The following IMMP2L variants were observed in gnomAD, a reference collection of about 807,000 sequenced individuals.
IMMP2L encodes the protein mitochondrial inner membrane protease subunit 2.
Under a neutral mutation model 19.3 loss-of-function variants are expected in IMMP2L, and 18 were observed. The ratio of observed to expected loss-of-function variants is 0.93; its 90% confidence interval spans 0.64 to 1.38. The LOEUF (loss-of-function observed/expected upper bound fraction) is 1.38, where lower values mean the gene tolerates loss of function less well. Ranked by LOEUF, IMMP2L falls within the 40% of genes most tolerant of loss-of-function variation. The probability of loss-of-function intolerance (pLI) is 0.00; values close to 1 mark genes in which losing one functional copy is unlikely to be tolerated. For missense variants in IMMP2L, 233 were observed against 218.2 expected (o/e 1.07, Z -0.43); for synonymous variants, 76 against 73.0 (o/e 1.04, Z -0.21).
rs1035980047 is a variant in IMMP2L at position 111,123,356 on chromosome 7, T to C, written c.240-159791A>G. ...CTTCCAAATCTAGAGATTCTGATGA[T>C]TGGGGAAAATCCAATTATCAGAATC... On this transcript the variant is annotated intron_variant, in intron 3 of 5. Coordinates refer to ENST00000405709, the MANE Select transcript of IMMP2L (RefSeq NM_032549.4). The surrounding 1 kb of genome is among the most constrained non-coding windows in gnomAD (Gnocchi z 6.4). 3 of 1,613,844 alleles carry C rather than the reference T, an allele frequency of 1.9e-6. No homozygotes were observed. The highest frequency in any genetic ancestry group is 2.5e-6 in the Non-Finnish European group (3 of 1,179,928).
At chr7:110,983,350 T>C (rs938995959) in intron 3 of IMMP2L, among the ~76,000 whole-genome samples, 4 of 151,712 alleles carry the variant, frequency 2.6e-5, no homozygotes, top group African/African-American at 9.7e-5. Context: ...TCATATAGAC[T>C]TAATGCTGTA....
intron 5 of IMMP2L, among the ~76,000 whole-genome samples, chr7:110,849,028 T>C (rs1248987467): frequency 6.6e-6 from 1 of 152,106 alleles, no homozygotes; most frequent in Non-Finnish European, 1.5e-5. Flanking sequence ...ACCCATAGAA[T>C]GTACACAACC....
chr7:111,232,373 G>GTTT (rs373241535), intron 3 of IMMP2L, among the ~76,000 whole-genome samples: 1 of 133,190 alleles, frequency 7.5e-6, no homozygotes, highest in Non-Finnish European at 1.6e-5. Flanking sequence ...ATTTTGGAGG[G>GTTT]TTTTTTTTTT....
intron 5 of IMMP2L, among the ~76,000 whole-genome samples, chr7:110,739,332 C>G (rs1796843314): frequency 6.6e-6 from 1 of 152,002 alleles, no homozygotes; most frequent in Non-Finnish European, 1.5e-5. Flanking sequence ...ACCTAACACA[C>G]AAGGATTCAC....
intron 3 of IMMP2L, among the ~76,000 whole-genome samples, chr7:111,024,371 T>C (rs1826601830): frequency 6.6e-6 from 1 of 152,296 alleles, no homozygotes; most frequent in African/African-American, 2.4e-5. Flanking sequence ...GAGGAGGCTC[T>C]CTGGGCAGCC....
intron 4 of IMMP2L, among the ~76,000 whole-genome samples, chr7:110,908,738 G>A (rs1330331862): frequency 6.6e-6 from 1 of 152,160 alleles, no homozygotes; most frequent in African/African-American, 2.4e-5. Flanking sequence ...TTAGATAACA[G>A]GGATAACAAT....
chr7:111,086,770 T>C (rs1276517217), intron 3 of IMMP2L, among the ~76,000 whole-genome samples: 1 of 152,250 alleles, frequency 6.6e-6, no homozygotes, highest in Non-Finnish European at 1.5e-5. Flanking sequence ...CGACTCATTT[T>C]TTCCACTAGG....
chr7:111,172,419 T>C (rs1239263799), intron 3 of IMMP2L, among the ~76,000 whole-genome samples: 2 of 151,636 alleles, frequency 1.3e-5, no homozygotes, highest in Non-Finnish European at 3.0e-5. Context: ...TTTTCATACA[T>C]GTATACAACG....
intron 5 of IMMP2L, among the ~76,000 whole-genome samples, chr7:110,670,072 T>G (rs185504000): frequency 6.6e-6 from 1 of 152,212 alleles, no homozygotes; most frequent in African/African-American, 2.4e-5. Flanking sequence ...TGTATTTGGA[T>G]ATGGAAACTT....
At chr7:110,967,830 G>A (rs1230025866) in intron 3 of IMMP2L, among the ~76,000 whole-genome samples, 2 of 151,970 alleles carry the variant, frequency 1.3e-5, no homozygotes, top group Non-Finnish European at 2.9e-5. Context: ...AAAGTAGAAC[G>A]AAAAGTCCAC....
intron 3 of IMMP2L, among the ~76,000 whole-genome samples, chr7:111,082,277 G>A (rs191873966): frequency 1.3e-5 from 2 of 152,316 alleles, no homozygotes; most frequent in Non-Finnish European, 2.9e-5. Flanking sequence ...ACAAGAGCAG[G>A]AATTAAGAAT....
At position 111,507,094 on chromosome 7, in the gene IMMP2L, G is replaced by A. The variant is rs1844986675; in HGVS notation, c.135+14219C>T. ...GGGCTCAAGTTATCTTCAAGCCTTG[G>A]CCTCCCCAAGTGCTGGGATTATAGG... On this transcript the variant is annotated intron_variant, in intron 2 of 5. Coordinates refer to ENST00000405709, the MANE Select transcript of IMMP2L (RefSeq NM_032549.4). 2.0e-5 allele frequency among the ~76,000 whole-genome samples: 3 copies of A among 152,086 alleles called. No homozygotes were observed. In the South Asian group the frequency reaches 6.2e-4, roughly 32 times the overall value.
intron 4 of IMMP2L, among the ~76,000 whole-genome samples, chr7:110,905,385 T>C (rs1025992679): frequency 2.6e-5 from 4 of 152,138 alleles, no homozygotes; most frequent in African/African-American, 9.7e-5. Context: ...GAAAACTGTC[T>C]TATCCCCATT....
intron 5 of IMMP2L, among the ~76,000 whole-genome samples, chr7:110,837,306 T>A (rs1804590050): frequency 1.4e-5 from 2 of 143,112 alleles, no homozygotes. Flanking sequence ...GGAGAAAGAG[T>A]AAAGAAGGGA....
At chr7:111,066,762 C>A (rs1048870293) in intron 3 of IMMP2L, among the ~76,000 whole-genome samples, 1 of 152,154 alleles carries the variant, frequency 6.6e-6, no homozygotes, top group African/African-American at 2.4e-5. Flanking sequence ...GTCTGATTGC[C>A]TGGAGGCCTT....
At chr7:110,862,088 AC>A (rs1807486827) in intron 5 of IMMP2L, among the ~76,000 whole-genome samples, 1 of 152,054 alleles carries the variant, frequency 6.6e-6, no homozygotes, top group Non-Finnish European at 1.5e-5. Context: ...TCTTAAATAA[AC>A]TGTGTGCATG....
intron 2 of IMMP2L, among the ~76,000 whole-genome samples, chr7:111,510,147 G>A (rs929388104): frequency 1.3e-5 from 2 of 152,072 alleles, no homozygotes; most frequent in East Asian, 3.8e-4. Context: ...GACTTAAAGG[G>A]AACTTCAGAA....
rs554274704 is a variant in IMMP2L, at chr7:111,116,088, A to G, written c.240-152523T>C. 5.3e-5 allele frequency among the ~76,000 whole-genome samples: 8 copies of G among 152,328 alleles called. No individual in the cohort carries two copies. The South Asian group carries it at 1.7e-3, about 32-fold the overall frequency. ...ATTCTCTCAAATCTGCCCAAAGCAT[A>G]TCTTGAGACTCAGGAGAGAGAATTG... On this transcript the variant is annotated intron_variant, in intron 3 of 5. Transcript: ENST00000405709.
intron 3 of IMMP2L, among the ~76,000 whole-genome samples, chr7:111,477,813 G>A (rs983810137): frequency 3.3e-5 from 5 of 152,112 alleles, no homozygotes; most frequent in Admixed American, 6.5e-5. Flanking sequence ...CAGGAGAATC[G>A]CTTGAACACT....
Sources: gnomAD v4.1 joint callset for allele counts (sites outside exome capture counted in the v4.1 genomes callset) on GRCh38, gnomAD v4.1.1 for gene constraint, Gnocchi (gnomAD v3.1) non-coding constraint, MANE v1.5 for transcripts, NCBI Gene and HGNC (gene_info 2026-07-23, HGNC 2026-07-21) for gene names.